Variants in MYH15 observed in about 807,000 individuals in gnomAD.
MYH15 encodes myosin-15.
In MYH15, 227 loss-of-function variants were observed where a neutral mutation model predicts 240.5. The ratio of observed to expected loss-of-function variants is 0.94; its 90% CI spans 0.85 to 1.05. MYH15 has a LOEUF of 1.05. Among genes scored for constraint, MYH15 ranks in the 50% least tolerant of loss-of-function variants. The pLI, the probability that MYH15 is intolerant of heterozygous loss-of-function variation, is 0.00. For synonymous variants in MYH15, 785 were observed against 796.7 expected (o/e 0.99, Z 0.25); for missense variants, 2,217 against 2,247.5 (o/e 0.99, Z 0.27).
chr3:108,465,557 T>C (rs1454440223), intron 14 of MYH15, among the ~76,000 whole-genome samples: 1 of 152,174 alleles, frequency 6.6e-6, no homozygotes. Context: ...GTTTAGAAAG[T>C]AGGGCTCATG....
In MYH15 at chr3:108,383,736, A is replaced by AAAC. The variant is rs200099329; in HGVS notation, c.5632-8_5632-7insGTT. ...ATTGATTGGCTTGTGTTTCCTATAA[A>AAAC]AATAAAAAAAAAAAAAAAGAAATCT... On this transcript the variant is annotated splice_region_variant and splice_polypyrimidine_tract_variant and intron_variant, in intron 39 of 40. Transcript: ENST00000693548. The AAAC allele has an allele frequency of 0.01, 14,901 of 1,424,300 alleles. 57 individuals carry two copies. The highest frequency in any genetic ancestry group is 0.011 in the Middle Eastern group (58 of 5,154). 88.2% of individuals were successfully genotyped at this position (1,424,300 alleles called of 1,614,324 possible). A position where few individuals can be genotyped will look rare whatever the true frequency, so the allele number is the denominator to read the frequency against.
intron 14 of MYH15, 57 bp downstream of exon 14, chr3:108,469,985 G>C: frequency 6.6e-7 from 1 of 1,521,254 alleles, no homozygotes; most frequent in Non-Finnish European, 8.9e-7. Flanking sequence ...GATCAACATA[G>C]CAGGCAGGGA....
Position 108,439,702 on chromosome 3 carries a change from C to T in MYH15, c.3075+35G>A, listed in dbSNP as rs199572821. The T allele has an allele frequency of 2.1e-5, 32 of 1,490,488 alleles. No individual in the cohort carries two copies. In the African/African-American group the frequency reaches 4.3e-4, roughly 20 times the overall value. The allele number at this position is 1,490,488 out of a possible 1,614,324, so 92.3% of individuals were successfully genotyped here. A position where few individuals can be genotyped will look rare whatever the true frequency, so the allele number is the denominator to read the frequency against. ...AACTGGAGTTATGTGTATATGTAGA[C>T]AGATAGATAACTAACCAGATACACC... On this transcript the variant is annotated intron_variant, in intron 24 of 40. Coordinates refer to ENST00000693548, the MANE Select transcript of MYH15 (RefSeq NM_014981.3).
intron 27 of MYH15, among the ~76,000 whole-genome samples, chr3:108,427,932 G>A (rs563168204): frequency 1.0e-3 from 156 of 152,254 alleles, no homozygotes; most frequent in African/African-American, 3.4e-3. Context: ...CGCTGATTTC[G>A]ATGATCTCAT....
At chr3:108,500,455 A>C (rs1271703155) in intron 3 of MYH15, among the ~76,000 whole-genome samples, 181 bp from the exon 4 acceptor site, 1 of 152,222 alleles carries the variant, frequency 6.6e-6, no homozygotes, top group Non-Finnish European at 1.5e-5. Context: ...GGTTAGAGTA[A>C]CATCAGGACC....
chr3:108,507,338 G>C (rs1051695907), intron 1 of MYH15, among the ~76,000 whole-genome samples: 1 of 140,212 alleles, frequency 7.1e-6, no homozygotes, highest in African/African-American at 2.7e-5. Flanking sequence ...AGCTACTCAG[G>C]TACATGGGGA....
At chr3:108,530,399 C>T (rs936664840), upstream of MYH15, among the ~76,000 whole-genome samples, 3 of 152,082 alleles carry the variant, frequency 2.0e-5, no homozygotes, top group Non-Finnish European at 2.9e-5. Flanking sequence ...AACATGGAGA[C>T]AGTGAAAATA....
rs945940185 is a variant in MYH15 at position 108,384,553 on chromosome 3, A to T, written c.5631+134T>A. On this transcript the variant is annotated intron_variant, in intron 39 of 40. Transcript: ENST00000693548. ...GTGAGAATTCTAACTTGAGAAAAAA[A>T]ACTGAGGATGAGCAGACTCTAAGCT... The T allele has an allele frequency of 2.4e-5, 18 of 745,050 alleles. No homozygotes were observed. In the African/African-American group the frequency reaches 2.9e-4, roughly 12 times the overall value. 46.2% of individuals were successfully genotyped at this position (745,050 alleles called of 1,614,324 possible).
intron 37 of MYH15, among the ~76,000 whole-genome samples, chr3:108,389,324 T>C (rs967998617): frequency 1.3e-5 from 2 of 152,234 alleles, no homozygotes; most frequent in Non-Finnish European, 2.9e-5. Flanking sequence ...AGAAGCTTTT[T>C]TCTTGAATTA....
Position 108,432,481 on chromosome 3 carries a change from A to G in MYH15, c.3222-1559T>C, listed in dbSNP as rs150405887. Among the ~76,000 whole-genome samples, 699 of 152,348 alleles carry G rather than the reference A, an allele frequency of 4.6e-3. 5 individuals are homozygous for G. Among genetic ancestry groups the G allele is most frequent in the African/African-American group, 0.016 (667 of 41,590 alleles). On this transcript the variant is annotated intron_variant, in intron 25 of 40. Coordinates refer to ENST00000693548, the MANE Select transcript of MYH15 (RefSeq NM_014981.3). ...ATTCAAGCCAGCTGCAGAAATTTGC[A>G]TAAGTTACAAGGAACCAAATGTTAA... is the stretch of plus-strand genomic sequence containing the variant.
chr3:108,427,771 ATAGTCCATGGAG>A (rs1281224787), intron 27 of MYH15, among the ~76,000 whole-genome samples: 1 of 152,204 alleles, frequency 6.6e-6, no homozygotes. Flanking sequence ...TTTTCTAACC[ATAGTCCATGGAG>A]ATCAAGCTTT....
At chr3:108,405,485 A>G in intron 32 of MYH15, 32 bp from the exon 33 acceptor site, 1 of 1,347,876 alleles carries the variant, frequency 7.4e-7, no homozygotes, top group Non-Finnish European at 1.0e-6. Flanking sequence ...CATTAAATGA[A>G]GTCCACTTTT....
intron 40 of MYH15, among the ~76,000 whole-genome samples, chr3:108,382,262 C>T (rs78265438): frequency 0.026 from 3,944 of 152,248 alleles, 54 homozygotes; most frequent in Non-Finnish European, 0.041. Context: ...TTGCCCCTCT[C>T]GCATAGGACT....
At chr3:108,402,621 C>A (rs1455016909) in intron 33 of MYH15, among the ~76,000 whole-genome samples, 1 of 152,230 alleles carries the variant, frequency 6.6e-6, no homozygotes, top group Non-Finnish European at 1.5e-5. Flanking sequence ...CCAAAACAAA[C>A]AAGCACAGTA....
chr3:108,429,029 C>T, intron 26 of MYH15, 148 bp from the exon 27 acceptor site: 1 of 857,774 alleles, frequency 1.2e-6, no homozygotes, highest in South Asian at 2.0e-5. Flanking sequence ...AGTGATTTGC[C>T]CCAATTCAGT....
rs540554083 is a variant in MYH15, at chr3:108,409,476, C to T, written c.4496-1072G>A. ...CAGAAACTCTGGGGGTGGGCCCCAG[C>T]CATCTGTGCTTTAACAAGCCCTCCA... is the stretch of plus-strand genomic sequence containing the variant. On this transcript the variant is annotated intron_variant, in intron 31 of 40. Coordinates refer to ENST00000693548, the MANE Select transcript of MYH15 (RefSeq NM_014981.3). Among the ~76,000 whole-genome samples, 4 of 152,342 alleles carry T rather than the reference C, an allele frequency of 2.6e-5. 1 individual carries two copies. In the South Asian group the frequency reaches 8.3e-4, roughly 32 times the overall value.
intron 12 of MYH15, 64 bp from the exon 13 acceptor site, chr3:108,470,911 C>G: frequency 6.5e-7 from 1 of 1,539,894 alleles, no homozygotes; most frequent in Non-Finnish European, 8.9e-7. Flanking sequence ...CCCGGGCATT[C>G]TCTATCAGCA....
At chr3:108,455,102 T>A (rs1279955723) in intron 20 of MYH15, among the ~76,000 whole-genome samples, 1 of 152,220 alleles carries the variant, frequency 6.6e-6, no homozygotes, top group Non-Finnish European at 1.5e-5. Context: ...CTGAATTTTT[T>A]AACTCTCCTT....
the MYH15 span, among the ~76,000 whole-genome samples, chr3:108,547,283 G>A: frequency 6.6e-6 from 1 of 152,024 alleles, no homozygotes; most frequent in East Asian, 1.9e-4. Context: ...CTACAGGCAT[G>A]AGCAGTGACC....
Sources: allele counts gnomAD v4.1 joint callset (sites outside exome capture counted in the v4.1 genomes callset), GRCh38; gene constraint gnomAD v4.1.1; transcripts MANE v1.5; gene names NCBI Gene and HGNC (gene_info 2026-07-23, HGNC 2026-07-21).